Variants in ZNF879 observed in about 807,000 individuals in gnomAD.
ZNF879 encodes zinc finger protein 879.
Under a neutral mutation model 44.3 loss-of-function variants are expected in ZNF879, and 32 were observed. That is an observed-to-expected ratio of 0.72 (90% confidence interval 0.54 to 0.97). The LOEUF (loss-of-function observed/expected upper bound fraction) is 0.97. Ranked by LOEUF, ZNF879 falls within the 50% of genes least tolerant of loss-of-function variation. The pLI, the probability that ZNF879 is intolerant of heterozygous loss-of-function variation, is 0.00. For synonymous variants in ZNF879, 234 were observed against 233.2 expected, an observed-to-expected ratio of 1.00 and a Z score of -0.03; for missense variants, 621 against 669.7, an observed-to-expected ratio of 0.93 and a Z score of 0.80.
rs115425089 is a variant in ZNF879, at chr5:179,024,612, G to A, written c.-35-358G>A. On this transcript the variant is annotated intron_variant, in intron 1 of 4. Coordinates refer to ENST00000444149, the MANE Select transcript of ZNF879 (RefSeq NM_001136116.3). ...ATCAGTTCTTCAACTGCTGTTTTTC[G>A]TATTGAACAACATCCAAGTGCAGAT... 1,377 of 176,994 alleles carry A rather than the reference G, an allele frequency of 7.8e-3. 17 individuals are homozygous for A. Among genetic ancestry groups the A allele is most frequent in the South Asian group, 0.062 (339 of 5,460 alleles). The allele number at this position is 176,994 out of a possible 1,614,324, so 11.0% of individuals were successfully genotyped here. A position where few individuals can be genotyped will look rare whatever the true frequency, so the allele number is the denominator to read the frequency against.
intron 2 of ZNF879, among the ~76,000 whole-genome samples, chr5:179,026,404 G>A (rs1440717289): frequency 6.6e-6 from 1 of 152,210 alleles, no homozygotes; most frequent in Non-Finnish European, 1.5e-5. Flanking sequence ...TCTGGTGGTA[G>A]AAAGTTAGAT....
intron 2 of ZNF879, among the ~76,000 whole-genome samples, chr5:179,026,602 C>G (rs1761277045): frequency 6.6e-6 from 1 of 152,188 alleles, no homozygotes; most frequent in African/African-American, 2.4e-5. Context: ...TTTGTCTCAG[C>G]CTTCTGAATA....
Position 179,033,194 on chromosome 5 carries a change from A to G in ZNF879, c.1246A>G (p.Ile416Val), listed in dbSNP as rs1761485141. 2 of 1,595,408 alleles carry G rather than the reference A, an allele frequency of 1.3e-6. No individual in the cohort carries two copies. Among genetic ancestry groups the G allele is most frequent in the Non-Finnish European group, 1.7e-6 (2 of 1,170,570 alleles). The change falls in exon 5 of 5, where the codon ATA becomes GTA. Residue 416 changes from isoleucine (I) to valine (V), a missense_variant. Transcript: ENST00000444149. Reference sequence around the variant, plus strand: ...AGCCTTCAGCCAAAGCTCAGCTCTCATACAACATCAAAGAATTCACACTGG... The same window carrying G: ...AGCCTTCAGCCAAAGCTCAGCTCTCGTACAACATCAAAGAATTCACACTGG... ...GKAFSQSSAL[I>V]QHQRIHTGEK...
chr5:179,024,568 G>A (rs1761207313), intron 1 of ZNF879: 1 of 157,798 alleles, frequency 6.3e-6, no homozygotes, highest in Non-Finnish European at 1.4e-5. Flanking sequence ...TTTTTGGTTG[G>A]CTGTTCCTAA....
At chr5:179,027,380 A>C (rs1761299498) in intron 2 of ZNF879, 93 bp from the exon 3 acceptor site, 1 of 1,527,384 alleles carries the variant, frequency 6.5e-7, no homozygotes, top group East Asian at 2.4e-5. Flanking sequence ...AACACTTGAA[A>C]TACTTAGAAC....
At position 179,032,194 on chromosome 5, in the gene ZNF879, G is replaced by A; in HGVS notation, c.257-11G>A. 6.7e-7 allele frequency: 1 copy of A among 1,484,582 alleles called. No individual in the cohort carries two copies. Among genetic ancestry groups the A allele is most frequent in the South Asian group, 1.4e-5 (1 of 72,302 alleles). 92.0% of individuals were successfully genotyped at this position (1,484,582 alleles called of 1,614,324 possible). ...AGTTCAAGAGAGACTTATATGTTTTGTCTACTTTAGGATGGGAAAGCTTGT... is the reference window on the plus strand; with the variant it reads ...AGTTCAAGAGAGACTTATATGTTTTATCTACTTTAGGATGGGAAAGCTTGT... On this transcript the variant is annotated splice_polypyrimidine_tract_variant and intron_variant, in intron 4 of 4. Coordinates refer to ENST00000444149, the MANE Select transcript of ZNF879 (RefSeq NM_001136116.3).
At position 179,029,482 on chromosome 5, in the gene ZNF879, A is replaced by G. The variant is rs186494135; in HGVS notation, c.256+1355A>G. 1.8e-3 allele frequency among the ~76,000 whole-genome samples: 274 copies of G among 152,352 alleles called. 1 individual carries two copies. Among genetic ancestry groups the G allele is most frequent in the African/African-American group, 6.2e-3 (258 of 41,580 alleles). ...AAATTCAATCAGACATCTAGAAAAT[A>G]AATAGATCTGTAGTAAGGACCAGAA... On this transcript the variant is annotated intron_variant, in intron 4 of 4. Coordinates refer to ENST00000444149, the MANE Select transcript of ZNF879 (RefSeq NM_001136116.3).
intron 2 of ZNF879, among the ~76,000 whole-genome samples, chr5:179,025,936 TG>T (rs1175411782): frequency 7.2e-6 from 1 of 139,348 alleles, no homozygotes; most frequent in Non-Finnish European, 1.5e-5. Flanking sequence ...AAAAGCCAGG[TG>T]TGGTGGGTCT....
chr5:179,025,058 G>T, intron 2 of ZNF879, 21 bp downstream of exon 2: 4 of 1,551,362 alleles, frequency 2.6e-6, no homozygotes, highest in Non-Finnish European at 3.5e-6. Flanking sequence ...GCTTCTTTTT[G>T]CTTGAACTGC....
chr5:179,029,893 T>G (rs2113061082), intron 4 of ZNF879, among the ~76,000 whole-genome samples: 1 of 152,334 alleles, frequency 6.6e-6, no homozygotes. Flanking sequence ...AGGACTATAT[T>G]GTATGTTAAG....
rs1761517027 is a variant in ZNF879 at position 179,034,077 on chromosome 5, C to T, written c.*437C>T. 6.5e-6 allele frequency: 1 copy of T among 154,082 alleles called. No homozygotes were observed. The highest frequency in any genetic ancestry group is 1.4e-5 in the Non-Finnish European group (1 of 69,416). The allele number at this position is 154,082 out of a possible 1,614,324, so 9.5% of individuals were successfully genotyped here. A position where few individuals can be genotyped will look rare whatever the true frequency, so the allele number is the denominator to read the frequency against. On this transcript the variant is annotated 3_prime_UTR_variant, in exon 5 of 5. Transcript: ENST00000444149. ...GAATGTTTTAGAAAAGAAATATGTA[C>T]AGGTGACCCATAGCTACCTCACTGT...
At position 179,033,020 on chromosome 5, in the gene ZNF879, C is replaced by T. The variant is rs778869843; in HGVS notation, c.1072C>T (p.Arg358Trp). 3.6e-5 allele frequency: 56 copies of T among 1,556,558 alleles called. No homozygotes were observed. Among genetic ancestry groups the T allele is most frequent in the Non-Finnish European group, 4.5e-5 (52 of 1,150,158 alleles). The change falls in exon 5 of 5, where the codon CGG (arginine) becomes TGG (tryptophan). Residue 358 changes from arginine to tryptophan, a missense_variant. Coordinates refer to ENST00000444149, the MANE Select transcript of ZNF879 (RefSeq NM_001136116.3). ...TGGGAAAGCCTTCACTTCAATATCGCGGCTAAGTAGGCACCATCGAATTCA... is the reference window on the plus strand; with the variant it reads ...TGGGAAAGCCTTCACTTCAATATCGTGGCTAAGTAGGCACCATCGAATTCA... ...QCGKAFTSIS[R>W]LSRHHRIHTG...
rs767445646 is a variant in ZNF879, at chr5:179,033,019, G to A, written c.1071G>A (p.Ser357=). ...TQCGKAFTSI[S]RLSRHHRIHT... ...GTGGGAAAGCCTTCACTTCAATATC[G>A]CGGCTAAGTAGGCACCATCGAATTC... is the stretch of plus-strand genomic sequence containing the variant. Residue 357 remains serine, a synonymous_variant, in exon 5 of 5, where the codon TCG becomes TCA. Transcript: ENST00000444149. 6.7e-5 allele frequency: 105 copies of A among 1,556,074 alleles called. 1 individual carries two copies. In the Middle Eastern group the frequency reaches 3.2e-3, roughly 47 times the overall value.
Position 179,027,577 on chromosome 5 carries a change from C to G in ZNF879, c.138C>G (p.Asn46Lys). ...TGTACCGGGAGGTGATGCTGGAGAA[C>G]TACAGCATCCTGGTCTCACTGGGTA... ...RALYREVMLE[N>K]YSILVSLGIL... The change falls in exon 3 of 5, where the codon AAC becomes AAG. Residue 46 changes from asparagine (N) to lysine (K), a missense_variant. Transcript: ENST00000444149. 1.2e-6 allele frequency: 2 copies of G among 1,614,104 alleles called. No individual in the cohort carries two copies. The highest frequency in any genetic ancestry group is 1.7e-6 in the Non-Finnish European group (2 of 1,180,018).
intron 1 of ZNF879, chr5:179,024,556 A>G (rs1761207051): frequency 6.4e-6 from 1 of 156,158 alleles, no homozygotes; most frequent in South Asian, 2.0e-4. Context: ...AAAGAGGACT[A>G]ATTTTTGGTT....
rs1440186756 is a variant in ZNF879, at chr5:179,035,063, A to AC, written c.*1423_*1424insC. On this transcript the variant is annotated 3_prime_UTR_variant, in exon 5 of 5. Coordinates refer to ENST00000444149, the MANE Select transcript of ZNF879 (RefSeq NM_001136116.3). ...ACTAAAAATACAAAAAAAAAAAAAA[A>AC]ATTAGCCGGCCATGGTGGCGGGCGC... 6.6e-6 allele frequency: 1 copy of AC among 151,340 alleles called. No homozygotes were observed. Among genetic ancestry groups the AC allele is most frequent in the Non-Finnish European group, 1.5e-5 (1 of 67,956 alleles). The allele number at this position is 151,340 out of a possible 1,614,324, so 9.4% of individuals were successfully genotyped here.
Position 179,033,685 on chromosome 5 carries a change from A to G in ZNF879, c.*45A>G. ...TGTAGGAACTGAAGTTATATTCCAT[A>G]CTGAGTATCAAAAAATTCATTGTGG... On this transcript the variant is annotated 3_prime_UTR_variant, in exon 5 of 5. Coordinates refer to ENST00000444149, the MANE Select transcript of ZNF879 (RefSeq NM_001136116.3). 2 of 1,351,674 alleles carry G rather than the reference A, an allele frequency of 1.5e-6. No homozygotes were observed. The allele number at this position is 1,351,674 out of a possible 1,614,324, so 83.7% of individuals were successfully genotyped here.
intron 4 of ZNF879, among the ~76,000 whole-genome samples, 156 bp from the exon 5 acceptor site, chr5:179,032,049 C>G (rs1761430397): frequency 6.6e-6 from 1 of 152,052 alleles, no homozygotes; most frequent in Admixed American, 6.6e-5. Flanking sequence ...CCCTTCCCAC[C>G]CACATGTCTG....
In ZNF879 at chr5:179,033,802, G is replaced by C. The variant is rs947120115; in HGVS notation, c.*162G>C. 14 of 503,474 alleles carry C rather than the reference G, an allele frequency of 2.8e-5. No homozygotes were observed. Among genetic ancestry groups the C allele is most frequent in the Middle Eastern group, 4.8e-4 (1 of 2,090 alleles). 31.2% of individuals were successfully genotyped at this position (503,474 alleles called of 1,614,324 possible). A position where few individuals can be genotyped will look rare whatever the true frequency, so the allele number is the denominator to read the frequency against. Reference sequence around the variant, plus strand: ...AGACTTCATGATGCAGGGTAACCTTGGGAATGCTAGAAAAGCTTCTATAAA... The same window carrying C: ...AGACTTCATGATGCAGGGTAACCTTCGGAATGCTAGAAAAGCTTCTATAAA... On this transcript the variant is annotated 3_prime_UTR_variant, in exon 5 of 5. Transcript: ENST00000444149.
Sources: allele counts gnomAD v4.1 joint callset (sites outside exome capture counted in the v4.1 genomes callset), GRCh38; gene constraint gnomAD v4.1.1; transcripts MANE v1.5; gene names NCBI Gene and HGNC (gene_info 2026-07-23, HGNC 2026-07-21).